Variants in NCOA2 observed in about 807,000 individuals in gnomAD.
NCOA2 encodes class E basic helix-loop-helix protein 75.
NCOA2 carries 21 observed loss-of-function variants against 145.1 expected under a neutral mutation model. The observed-to-expected ratio is 0.14, with a 90% CI of 0.10 to 0.21. The LOEUF (loss-of-function observed/expected upper bound fraction) is 0.21. Among genes scored for constraint, NCOA2 ranks in the 10% least tolerant of loss-of-function variants. The pLI is 1.00. For missense variants in NCOA2, 1,472 were observed against 1,837.6 expected, an observed-to-expected ratio of 0.80 and a Z score of 3.64; for synonymous variants, 619 against 637.5, an observed-to-expected ratio of 0.97 and a Z score of 0.44.
chr8:70,180,749 G>A (rs1446870625), intron 4 of NCOA2, among the ~76,000 whole-genome samples: 1 of 152,178 alleles, frequency 6.6e-6, no homozygotes, highest in African/African-American at 2.4e-5. Context: ...AGGCTGGAGT[G>A]CAGTGGCTAT....
At chr8:70,261,376 T>G (rs1445447462) in intron 2 of NCOA2, among the ~76,000 whole-genome samples, 2 of 151,584 alleles carry the variant, frequency 1.3e-5, no homozygotes. Context: ...CCGCATATTC[T>G]CACTCACAGG....
chr8:70,115,058 TA>T (rs1240146467), intron 22 of NCOA2, among the ~76,000 whole-genome samples: 1 of 152,236 alleles, frequency 6.6e-6, no homozygotes, highest in East Asian at 1.9e-4. Flanking sequence ...TGATTTCATA[TA>T]AAAACACTCC....
chr8:70,113,600 G>A lies in NCOA2; in HGVS notation c.*32C>T. ...GAAGTGTTTTGAGCAAGTGAGCCCG[G>A]TCAGCTGAAGAAGCAACTGGCTTCA... On this transcript the variant is annotated 3_prime_UTR_variant, in exon 23 of 23. Coordinates refer to ENST00000452400, the MANE Select transcript of NCOA2 (RefSeq NM_006540.4). 1 of 1,551,214 alleles carries A rather than the reference G, an allele frequency of 6.4e-7. No individual in the cohort carries two copies. Among genetic ancestry groups the A allele is most frequent in the Non-Finnish European group, 8.7e-7 (1 of 1,146,460 alleles).
At chr8:70,406,526 G>A (rs1814783702), upstream of NCOA2, among the ~76,000 whole-genome samples, 1 of 152,182 alleles carries the variant, frequency 6.6e-6, no homozygotes, top group Non-Finnish European at 1.5e-5. Context: ...GAAAAAATAT[G>A]TGGGTGCAGA....
At chr8:70,192,623 C>T (rs1402901924) in intron 4 of NCOA2, among the ~76,000 whole-genome samples, 1 of 152,236 alleles carries the variant, frequency 6.6e-6, no homozygotes, top group East Asian at 1.9e-4. Context: ...GGCAACCATG[C>T]TCCAGGCTTC....
At chr8:70,134,295 C>T (rs957017419) in intron 15 of NCOA2, among the ~76,000 whole-genome samples, 109 of 152,306 alleles carry the variant, frequency 7.2e-4, no homozygotes, top group African/African-American at 2.4e-3. Flanking sequence ...AGAGGAGATT[C>T]CTCAATGAGG....
At chr8:70,347,327 A>T (rs1808760101) in intron 1 of NCOA2, among the ~76,000 whole-genome samples, 1 of 152,012 alleles carries the variant, frequency 6.6e-6, no homozygotes, top group African/African-American at 2.4e-5. Context: ...TCTACTAAAA[A>T]TACAAAAATT....
chr8:70,124,134 AG>A, intron 20 of NCOA2, 52 bp from the exon 21 acceptor site: 2 of 1,553,026 alleles, frequency 1.3e-6, no homozygotes. Flanking sequence ...TGGTATCCAG[AG>A]GCAGGCAGCT....
chr8:70,223,354 T>G (rs1455279331), intron 2 of NCOA2, among the ~76,000 whole-genome samples: 1 of 152,230 alleles, frequency 6.6e-6, no homozygotes. Flanking sequence ...CAAGACAGTC[T>G]GTACCTATAC....
the NCOA2 span, among the ~76,000 whole-genome samples, chr8:70,417,267 G>T: frequency 9.2e-5 from 7 of 75,780 alleles, no homozygotes; most frequent in African/African-American, 8.0e-4. Flanking sequence ...AAAAAAAAAA[G>T]GCCAGGCGCA....
intron 9 of NCOA2, among the ~76,000 whole-genome samples, chr8:70,160,690 AG>A (rs1563547284): frequency 6.7e-6 from 1 of 148,444 alleles, no homozygotes; most frequent in African/African-American, 2.6e-5. Context: ...AGGGAGAGAG[AG>A]AGAGAGAGAG....
the NCOA2 span, among the ~76,000 whole-genome samples, chr8:70,442,148 A>AAAGAAAGAAAGAAAGG: frequency 8.7e-5 from 12 of 138,350 alleles, no homozygotes; most frequent in Admixed American, 2.1e-4. Flanking sequence ...AGAAAGAAAG[A>AAAGAAAGAAAGAAAGG]AAGAAAGAAA....
chr8:70,357,834 C>T (rs115900183), intron 1 of NCOA2, among the ~76,000 whole-genome samples: 7 of 151,892 alleles, frequency 4.6e-5, no homozygotes, highest in Admixed American at 3.3e-4. Context: ...GTGGATCACC[C>T]GAAGTCAGGA....
chr8:70,368,389 G>A (rs1810907365), intron 1 of NCOA2, among the ~76,000 whole-genome samples: 2 of 152,180 alleles, frequency 1.3e-5, no homozygotes, highest in South Asian at 2.1e-4. Context: ...AGGGAGGAAT[G>A]AAAGCAGAGT....
chr8:70,278,592 C>T (rs1188898469), intron 2 of NCOA2, among the ~76,000 whole-genome samples: 2 of 152,100 alleles, frequency 1.3e-5, no homozygotes, highest in Non-Finnish European at 2.9e-5. Flanking sequence ...ATCTGGATCA[C>T]TTCCACAGGC....
the NCOA2 span, among the ~76,000 whole-genome samples, chr8:70,446,142 A>G: frequency 4.6e-5 from 7 of 152,134 alleles, no homozygotes; most frequent in Non-Finnish European, 1.5e-5. Flanking sequence ...AAAGCTCTTC[A>G]GAGCAAGCTG....
chr8:70,418,810 A>G, the NCOA2 span, among the ~76,000 whole-genome samples: 1 of 152,260 alleles, frequency 6.6e-6, no homozygotes, highest in Non-Finnish European at 1.5e-5. Flanking sequence ...AATAGTAGTT[A>G]AAACAATCTA....
At chr8:70,281,097 T>C (rs753654688) in intron 2 of NCOA2, among the ~76,000 whole-genome samples, 1 of 152,068 alleles carries the variant, frequency 6.6e-6, no homozygotes, top group Non-Finnish European at 1.5e-5. Context: ...CTCATGCCTG[T>C]AATCCCAGCA....
chr8:70,451,231 A>ATATATATATATATAT, the NCOA2 span, among the ~76,000 whole-genome samples: 1 of 99,180 alleles, frequency 1.0e-5, no homozygotes, highest in African/African-American at 4.0e-5. Flanking sequence ...AAAAAAAAAA[A>ATATATATATATATAT]AAAAAAATAT....
Sources: allele counts gnomAD v4.1 joint callset (sites outside exome capture counted in the v4.1 genomes callset), GRCh38; gene constraint gnomAD v4.1.1; transcripts MANE v1.5; gene names NCBI Gene and HGNC (gene_info 2026-07-23, HGNC 2026-07-21).